FES: variants seen among roughly 807,000 people sequenced by gnomAD.
FES encodes the protein FES proto-oncogene, tyrosine kinase.
A neutral mutation model predicts 109.6 loss-of-function variants in FES; 83 were observed. The observed-to-expected ratio is 0.76, with a 90% CI of 0.63 to 0.91. The LOEUF is 0.91. Among genes scored for constraint, FES ranks in the 40% least tolerant of loss-of-function variants. FES has a pLI of 0.00. For missense variants in FES, 943 were observed against 1,070.9 expected, an observed-to-expected ratio of 0.88 and a Z score of 1.67; for synonymous variants, 458 against 442.1, an observed-to-expected ratio of 1.04 and a Z score of -0.45.
In FES at chr15:90,893,200, C is replaced by T. The variant is rs746623406; in HGVS notation, c.1921+6C>T. ...CGTCATGGAGCTTGTGCAGGGTGAG[C>T]GCGGGGCGCTGAGCTCCAGGTAGGG... On this transcript the variant is annotated splice_donor_region_variant and intron_variant, in intron 15 of 18. Transcript: ENST00000328850. The T allele has an allele frequency of 5.3e-5, 85 of 1,613,586 alleles. No individual in the cohort carries two copies. The highest frequency in any genetic ancestry group is 6.6e-5 in the Non-Finnish European group (78 of 1,179,896).
Position 90,889,971 on chromosome 15 carries a change from G to A in FES, c.1049+9G>A. On this transcript the variant is annotated intron_variant, in intron 8 of 18. Transcript: ENST00000328850. The surrounding 1 kb of genome is among the most constrained non-coding windows in gnomAD (Gnocchi z 6.1). ...ACCCACCCCCGGGAGCGGTGAGTGG[G>A]CCCCTGCCTGCAGCAGCCTCCTGGG... 6.2e-7 allele frequency: 1 copy of A among 1,612,012 alleles called. No homozygotes were observed. The highest frequency in any genetic ancestry group is 1.1e-5 in the South Asian group (1 of 91,062).
At chr15:90,884,873 C>T in intron 1 of FES, 164 bp from the exon 2 acceptor site, 3 of 647,672 alleles carry the variant, frequency 4.6e-6, no homozygotes, top group Non-Finnish European at 8.1e-6. Flanking sequence ...AGTCCCCAGG[C>T]CAGGCTGCTG....
intron 13 of FES, chr15:90,892,501 G>A (rs1020738074): frequency 1.7e-6 from 1 of 584,898 alleles, no homozygotes; most frequent in Non-Finnish European, 3.1e-6. Flanking sequence ...CTTCTCTCAG[G>A]AAGGGTGGCA....
chr15:90,892,677 G>T lies in FES; in HGVS notation c.1708-30G>T, dbSNP rs756002860. 3.8e-6 allele frequency: 6 copies of T among 1,567,000 alleles called. No homozygotes were observed. The East Asian group carries it at 1.1e-4, about 30-fold the overall frequency. On this transcript the variant is annotated intron_variant, in intron 13 of 18. Transcript: ENST00000328850. ...GAGAAGAGAACTGCGGGACTGGGAAGGCCGTGGTAGGAGCCCAAGACCGTT... is the reference window on the plus strand; with the variant it reads ...GAGAAGAGAACTGCGGGACTGGGAATGCCGTGGTAGGAGCCCAAGACCGTT...
At chr15:90,891,383 C>A in intron 11 of FES, 171 bp from the exon 12 acceptor site, 1 of 1,080,580 alleles carries the variant, frequency 9.3e-7, no homozygotes, top group East Asian at 2.4e-5. Context: ...TGAGTCCTCC[C>A]CTGGTGGGGC....
Position 90,895,172 on chromosome 15 carries a change from G to A in FES, c.2327-244G>A, listed in dbSNP as rs140880502. Among the ~76,000 whole-genome samples the A allele has an allele frequency of 6.6e-5, 10 of 152,342 alleles. No individual in the cohort carries two copies. In the East Asian group the frequency reaches 1.9e-3, roughly 29 times the overall value. On this transcript the variant is annotated intron_variant, in intron 18 of 18. Coordinates refer to ENST00000328850, the MANE Select transcript of FES (RefSeq NM_002005.4). ...TCATTTGCTCATCACTACATGTGTG[G>A]TAGGGATTAATATGTCCCTTTCTCA...
Position 90,890,967 on chromosome 15 carries a change from T to C in FES, c.1321-15T>C, listed in dbSNP as rs755250119. 1.3e-6 allele frequency: 2 copies of C among 1,567,478 alleles called. No individual in the cohort carries two copies. The highest frequency in any genetic ancestry group is 2.3e-5 in the South Asian group (2 of 85,860). Reference sequence around the variant, plus strand: ...AGGTGGTTAAGTGACTCCTCCTCGATCCTCCCTTGCCCAGCTCCCTCCACC... The same window carrying C: ...AGGTGGTTAAGTGACTCCTCCTCGACCCTCCCTTGCCCAGCTCCCTCCACC... On this transcript the variant is annotated splice_polypyrimidine_tract_variant and intron_variant, in intron 10 of 18. Transcript: ENST00000328850.
At position 90,892,753 on chromosome 15, in the gene FES, C is replaced by A; in HGVS notation, c.1754C>A (p.Thr585Asn). 1 of 1,613,618 alleles carries A rather than the reference C, an allele frequency of 6.2e-7. No individual in the cohort carries two copies. Among genetic ancestry groups the A allele is most frequent in the South Asian group, 1.1e-5 (1 of 91,064 alleles). Reference sequence around the variant, plus strand: ...AGCGGACGCCTGCGAGCCGACAACACCCTGGTGGCGGTGAAGTCTTGTCGA... The same window carrying A: ...AGCGGACGCCTGCGAGCCGACAACAACCTGGTGGCGGTGAAGTCTTGTCGA... ...VFSGRLRADN[T>N]LVAVKSCRET... Residue 585 changes from threonine to asparagine, a missense_variant, in exon 14 of 19, where the codon ACC becomes AAC. Transcript: ENST00000328850.
chr15:90,887,886 C>T (rs1170499922), intron 5 of FES, among the ~76,000 whole-genome samples: 2 of 152,066 alleles, frequency 1.3e-5, no homozygotes, highest in Admixed American at 6.5e-5. Flanking sequence ...GAAAGGAGGA[C>T]AGCAATTACA....
chr15:90,895,413 CAG>C lies in FES; in HGVS notation c.2327-2_2327-1del. 6.5e-7 allele frequency: 1 copy of C among 1,530,096 alleles called. No individual in the cohort carries two copies. Among genetic ancestry groups the C allele is most frequent in the Admixed American group, 2.0e-5 (1 of 49,158 alleles). 94.8% of individuals were successfully genotyped at this position (1,530,096 alleles called of 1,614,324 possible). ...GCCTGGTGTGCTGTGCCTCTCCTCA[CAG>C]GGGGCCGTCTGCCCTGCCCAGAGCT... On this transcript the variant is annotated splice_acceptor_variant, in intron 18 of 18. Transcript: ENST00000328850. LOFTEE classifies it high-confidence loss of function.
Position 90,887,000 on chromosome 15 carries a change from C to T in FES, c.427C>T (p.Arg143Ter), listed in dbSNP as rs1479994208. The T allele has an allele frequency of 5.6e-6, 9 of 1,614,038 alleles. No individual in the cohort carries two copies. The highest frequency in any genetic ancestry group is 6.8e-6 in the Non-Finnish European group (8 of 1,180,040). The change falls in exon 4 of 19, where the codon CGA (arginine) becomes TGA (stop). Residue 143 changes from arginine (R) to a stop codon, truncating the protein, a stop_gained. Transcript: ENST00000328850. LOFTEE classifies it high-confidence loss of function. ...QDIEKLKSQYRALARDSAQAK... is the reference protein window; with the variant it reads ...QDIEKLKSQY ...CATTGAGAAGCTGAAGAGCCAGTAC[C>T]GAGCTCTGGCACGGGACAGTGCCCA...
chr15:90,886,200 C>T (rs1249899773), intron 3 of FES, among the ~76,000 whole-genome samples: 2 of 152,250 alleles, frequency 1.3e-5, no homozygotes, highest in Non-Finnish European at 2.9e-5. Flanking sequence ...CCCTGGTGGC[C>T]ACCCTGGCCC....
At chr15:90,891,917 G>T in intron 12 of FES, 141 bp from the exon 13 acceptor site, 1 of 1,124,586 alleles carries the variant, frequency 8.9e-7, no homozygotes. Flanking sequence ...CCTGGACCCC[G>T]TAGTCATCTC....
chr15:90,886,665 G>GC (rs1191225540), intron 3 of FES, among the ~76,000 whole-genome samples: 7 of 152,214 alleles, frequency 4.6e-5, no homozygotes, highest in Admixed American at 3.9e-4. Context: ...TACATGTGGA[G>GC]CCCCGTGTGA....
chr15:90,890,907 A>G, intron 10 of FES, 75 bp from the exon 11 acceptor site: 2 of 1,411,166 alleles, frequency 1.4e-6, no homozygotes, highest in Non-Finnish European at 1.9e-6. Context: ...GGGGGGAGAG[A>G]GAGACCCCCG....
intron 13 of FES, chr15:90,892,329 A>C: frequency 1.6e-6 from 1 of 610,060 alleles, no homozygotes. Context: ...CCCTGACCTC[A>C]TCACCCCCAC....
At position 90,885,449 on chromosome 15, in the gene FES, G is replaced by A; in HGVS notation, c.251G>A (p.Ser84Asn). The change falls in exon 3 of 19, where the codon AGC (serine) becomes AAC (asparagine). Residue 84 changes from serine (S) to asparagine (N), a missense_variant. By Grantham distance (46) the Ser-to-Asn change is conservative. Transcript: ENST00000328850. ...ATCACCAGCCAAACTGAGGGCCTGA[G>A]CCGCTTGCTGCGGCAGCACGCAGAG... ...AEITSQTEGL[S>N]RLLRQHAEDL... is the part of the protein sequence containing the mutation. 1.9e-6 allele frequency: 3 copies of A among 1,613,330 alleles called. No individual in the cohort carries two copies. The highest frequency in any genetic ancestry group is 2.5e-6 in the Non-Finnish European group (3 of 1,180,014).
At position 90,886,989 on chromosome 15, in the gene FES, A is replaced by G. The variant is rs1596094124; in HGVS notation, c.416A>G (p.Lys139Arg). 2 of 1,614,176 alleles carry G rather than the reference A, an allele frequency of 1.2e-6. No individual in the cohort carries two copies. The highest frequency in any genetic ancestry group is 1.1e-5 in the South Asian group (1 of 91,086). The change falls in exon 4 of 19, where the codon AAG becomes AGG. Residue 139 changes from lysine to arginine, a missense_variant. Transcript: ENST00000328850. ...KTHSQDIEKLKSQYRALARDS... is the reference protein window; with the variant it reads ...KTHSQDIEKLRSQYRALARDS... Reference sequence around the variant, plus strand: ...CACAGCCAGGACATTGAGAAGCTGAAGAGCCAGTACCGAGCTCTGGCACGG... The same window carrying G: ...CACAGCCAGGACATTGAGAAGCTGAGGAGCCAGTACCGAGCTCTGGCACGG...
chr15:90,885,776 T>G (rs2032549880), intron 3 of FES, among the ~76,000 whole-genome samples, 191 bp downstream of exon 3: 1 of 152,232 alleles, frequency 6.6e-6, no homozygotes, highest in South Asian at 2.1e-4. Context: ...GCAAGGCCTC[T>G]CTGTGCTTTT....
Sources: allele counts gnomAD v4.1 joint callset (sites outside exome capture counted in the v4.1 genomes callset), GRCh38; gene constraint gnomAD v4.1.1; non-coding constraint Gnocchi (gnomAD v3.1); transcripts MANE v1.5; gene names NCBI Gene and HGNC (gene_info 2026-07-23, HGNC 2026-07-21).